The following SV2B variants were observed in gnomAD, a reference collection of about 807,000 sequenced individuals.
The protein encoded by SV2B is solute carrier family 22 member B2.
SV2B carries 41 observed loss-of-function variants against 73.9 expected under a neutral mutation model. The ratio of observed to expected loss-of-function variants is 0.56; its 90% confidence interval spans 0.43 to 0.72. SV2B has a LOEUF of 0.72. Ranked by LOEUF, SV2B falls within the 30% of genes least tolerant of loss-of-function variation. The probability of loss-of-function intolerance (pLI) is 0.00; values close to 1 mark genes in which losing one functional copy is unlikely to be tolerated. For synonymous variants in SV2B, 314 were observed against 314.2 expected (o/e 1.00, Z 0.01); for missense variants, 764 against 857.8 (o/e 0.89, Z 1.37).
At chr15:91,209,033 A>G (rs2045746405) in intron 1 of SV2B, among the ~76,000 whole-genome samples, 1 of 151,590 alleles carries the variant, frequency 6.6e-6, no homozygotes. Flanking sequence ...GTGACAGAAG[A>G]GTCAGAGATA....
At chr15:91,209,191 A>G (rs1596588228) in intron 1 of SV2B, among the ~76,000 whole-genome samples, 1 of 138,734 alleles carries the variant, frequency 7.2e-6, no homozygotes, top group East Asian at 2.0e-4. Context: ...GCATGATCTC[A>G]GTTCACTGCA....
Position 91,227,038 on chromosome 15 carries a change from G to A in SV2B, c.451+324G>A, listed in dbSNP as rs2046407771. ...AAATGACAAATACATTTTGGGAGTG[G>A]CAAATGTGGGAGTGGCAAATTAAAC... On this transcript the variant is annotated intron_variant, in intron 2 of 12. Coordinates refer to ENST00000394232, the MANE Select transcript of SV2B (RefSeq NM_001323032.3). The surrounding 1 kb of genome is among the most constrained non-coding windows in gnomAD (Gnocchi z 4.5). Among the ~76,000 whole-genome samples the A allele has an allele frequency of 6.6e-6, 1 of 152,064 alleles. No homozygotes were observed.
Position 91,110,168 on chromosome 15 carries a change from T to C in SV2B, c.-392+9805T>C, listed in dbSNP as rs181528058. Among the ~76,000 whole-genome samples, 23 of 152,324 alleles carry C rather than the reference T, an allele frequency of 1.5e-4. No homozygotes were observed. The highest frequency in any genetic ancestry group is 5.1e-4 in the African/African-American group (21 of 41,580). ...CTTCTTAGCAGTGTTCATTTGCATG[T>C]TTCTCTCATGAAATGACCATGAAAA... is the stretch of plus-strand genomic sequence containing the variant. On this transcript the variant is annotated intron_variant, in intron 1 of 12. Coordinates refer to ENST00000394232, the MANE Select transcript of SV2B (RefSeq NM_001323032.3). The surrounding 1 kb of genome is among the most constrained non-coding windows in gnomAD (Gnocchi z 5.4).
chr15:91,285,570 C>T (rs1323953601), intron 11 of SV2B, among the ~76,000 whole-genome samples: 1 of 152,256 alleles, frequency 6.6e-6, no homozygotes, highest in African/African-American at 2.4e-5. Flanking sequence ...GGCTCCGTCT[C>T]TGCCAAGATT....
chr15:91,116,624 C>T (rs989117718), intron 1 of SV2B, among the ~76,000 whole-genome samples: 1 of 152,198 alleles, frequency 6.6e-6, no homozygotes, highest in Non-Finnish European at 1.5e-5. Flanking sequence ...CTGTCTTATC[C>T]TCTTTGCATG....
chr15:91,282,787 C>T (rs1393588323), intron 10 of SV2B, among the ~76,000 whole-genome samples: 3 of 152,224 alleles, frequency 2.0e-5, no homozygotes, highest in Non-Finnish European at 4.4e-5. Flanking sequence ...TGATATCAGC[C>T]TCAAGAGCTT....
intron 1 of SV2B, among the ~76,000 whole-genome samples, chr15:91,191,063 C>CTTTTTTTTTTTTGTTTTT (rs2044997332): frequency 1.6e-5 from 1 of 64,238 alleles, no homozygotes; most frequent in Non-Finnish European, 3.1e-5. Flanking sequence ...TTTGGTGTTT[C>CTTTTTTTTTTTTGTTTTT]TTTTTTTTTT....
At chr15:91,246,750 T>TC (rs1567387730) in intron 2 of SV2B, among the ~76,000 whole-genome samples, 42 of 148,360 alleles carry the variant, frequency 2.8e-4, no homozygotes, top group Middle Eastern at 3.4e-3. Context: ...TCCTCCTCCT[T>TC]CTTCTCCTCT....
At position 91,296,830 on chromosome 15, in the gene SV2B, C is replaced by T. The variant is rs748807628; in HGVS notation, c.*4278C>T. 99 of 150,268 alleles carry T rather than the reference C, an allele frequency of 6.6e-4. No homozygotes were observed. Among genetic ancestry groups the T allele is most frequent in the Non-Finnish European group, 1.0e-3 (72 of 68,922 alleles). 9.3% of individuals were successfully genotyped at this position (150,268 alleles called of 1,614,324 possible). ...TCCTTCTGCCCGATCGCTGGGCTCA[C>T]GCTCCTTCTGCCCGATCTTGGGCGC... On this transcript the variant is annotated 3_prime_UTR_variant, in exon 13 of 13. Coordinates refer to ENST00000394232, the MANE Select transcript of SV2B (RefSeq NM_001323032.3).
At chr15:91,148,993 C>A (rs550191017) in intron 1 of SV2B, among the ~76,000 whole-genome samples, 26 of 152,342 alleles carry the variant, frequency 1.7e-4, no homozygotes, top group Admixed American at 1.3e-3. Flanking sequence ...AACCAAATAT[C>A]TGGGCACCCC....
chr15:91,207,211 CG>C (rs1294170987), intron 1 of SV2B, among the ~76,000 whole-genome samples: 6 of 137,058 alleles, frequency 4.4e-5, no homozygotes, highest in African/African-American at 1.7e-4. Context: ...TTTTGAGAGA[CG>C]GGGTCTCACC....
In SV2B at chr15:91,175,476, G is replaced by A. The variant is rs555179336; in HGVS notation, c.-391-50397G>A. Among the ~76,000 whole-genome samples the A allele has an allele frequency of 1.8e-4, 28 of 151,938 alleles. No homozygotes were observed. In the East Asian group the frequency reaches 4.7e-3, roughly 25 times the overall value. ...TCACTGTGTCAGTCAGGATGGTCTC[G>A]ATCTCCTGACCTCGTGATCCGCCAG... On this transcript the variant is annotated intron_variant, in intron 1 of 12. Coordinates refer to ENST00000394232, the MANE Select transcript of SV2B (RefSeq NM_001323032.3).
intron 1 of SV2B, among the ~76,000 whole-genome samples, chr15:91,187,011 G>A (rs8038612): frequency 0.73 from 110,441 of 152,168 alleles, 40,875 homozygotes; most frequent in African/African-American, 0.87. Context: ...TGTTTTCACT[G>A]TAAGGAGACG....
intron 2 of SV2B, among the ~76,000 whole-genome samples, chr15:91,233,569 T>G (rs2046665256): frequency 6.6e-6 from 1 of 152,144 alleles, no homozygotes; most frequent in Non-Finnish European, 1.5e-5. Flanking sequence ...GTGAGAACAT[T>G]GATTGGGAAG....
At chr15:91,262,423 A>G (rs2047941706) in intron 6 of SV2B, among the ~76,000 whole-genome samples, 1 of 152,202 alleles carries the variant, frequency 6.6e-6, no homozygotes, top group Admixed American at 6.5e-5. Context: ...AATGCTTCTA[A>G]AATATCTGAA....
intron 1 of SV2B, chr15:91,102,026 C>T (rs1257792240): frequency 1.3e-5 from 2 of 152,200 alleles, no homozygotes; most frequent in Non-Finnish European, 2.9e-5. Context: ...CCTATCTGTT[C>T]TTGTCCCAGC....
At position 91,105,264 on chromosome 15, in the gene SV2B, CTTG is replaced by C. The variant is rs2041851538; in HGVS notation, c.-392+4906_-392+4908del. Among the ~76,000 whole-genome samples the C allele has an allele frequency of 6.6e-6, 1 of 151,924 alleles. No individual in the cohort carries two copies. The highest frequency in any genetic ancestry group is 1.5e-5 in the Non-Finnish European group (1 of 68,002). ...GCAGGGAAAGGAAGATGGGGGGTGC[CTTG>C]TTGTGTTGGAGTGGGAGGGTAGGGT... On this transcript the variant is annotated intron_variant, in intron 1 of 12. Coordinates refer to ENST00000394232, the MANE Select transcript of SV2B (RefSeq NM_001323032.3). The surrounding 1 kb of genome is among the most constrained non-coding windows in gnomAD (Gnocchi z 5.5).
chr15:91,182,418 C>CA (rs1555478843), intron 1 of SV2B, among the ~76,000 whole-genome samples: 1 of 152,160 alleles, frequency 6.6e-6, no homozygotes, highest in Non-Finnish European at 1.5e-5. Context: ...AAAGGTAGCT[C>CA]AAAAAGCTCA....
intron 11 of SV2B, among the ~76,000 whole-genome samples, chr15:91,285,998 G>A (rs1447421141): frequency 6.6e-6 from 1 of 152,148 alleles, no homozygotes; most frequent in Non-Finnish European, 1.5e-5. Flanking sequence ...TTCCTATAAT[G>A]CTAAATAAAG....
Sources: allele counts gnomAD v4.1 joint callset (sites outside exome capture counted in the v4.1 genomes callset), GRCh38; gene constraint gnomAD v4.1.1; non-coding constraint Gnocchi (gnomAD v3.1); transcripts MANE v1.5; gene names NCBI Gene and HGNC (gene_info 2026-07-23, HGNC 2026-07-21).